Variants in AKR1A1 observed in about 807,000 individuals in gnomAD.
AKR1A1 encodes aldo-keto reductase family 1 member A1.
A neutral mutation model predicts 39.2 loss-of-function variants in AKR1A1; 26 were observed. The ratio of observed to expected loss-of-function variants is 0.66; its 90% CI spans 0.49 to 0.92. The LOEUF (loss-of-function observed/expected upper bound fraction) is 0.92, where lower values mean the gene tolerates loss of function less well. Among genes scored for constraint, AKR1A1 ranks in the 40% least tolerant of loss-of-function variants. The pLI is 0.00. For synonymous variants in AKR1A1, 141 were observed against 155.5 expected (o/e 0.91, Z 0.69); for missense variants, 378 against 406.5 (o/e 0.93, Z 0.60).
chr1:45,567,087 G>A, intron 4 of AKR1A1, 67 bp downstream of exon 4: 4 of 1,569,970 alleles, frequency 2.5e-6, no homozygotes, highest in Non-Finnish European at 3.5e-6. Context: ...GTAACTTATT[G>A]TAAGTCACAG....
At chr1:45,557,924 T>TTG (rs1644227240) in intron 1 of AKR1A1, among the ~76,000 whole-genome samples, 1 of 146,454 alleles carries the variant, frequency 6.8e-6, no homozygotes, top group Admixed American at 6.9e-5. Flanking sequence ...TTTTTTTTTT[T>TTG]TTTGAGATGG....
At chr1:45,564,057 A>G (rs894544544) in intron 2 of AKR1A1, among the ~76,000 whole-genome samples, 1 of 152,226 alleles carries the variant, frequency 6.6e-6, no homozygotes, top group African/African-American at 2.4e-5. Context: ...ATTAAGTTTC[A>G]GAGAAGCCCC....
rs1424130310 is a variant in AKR1A1 at position 45,552,117 on chromosome 1, A to T, written c.-7+962A>T. ...TGGGGGAAATTTATATATAAACAGA[A>T]AAATGTAGTGATGTGCACATGCTAT... On this transcript the variant is annotated intron_variant, in intron 1 of 8. Coordinates refer to ENST00000351829, the MANE Select transcript of AKR1A1 (RefSeq NM_153326.3). Among the ~76,000 whole-genome samples, 3 of 152,070 alleles carry T rather than the reference A, an allele frequency of 2.0e-5. No homozygotes were observed. In the East Asian group the frequency reaches 5.8e-4, roughly 29 times the overall value.
chr1:45,561,111 C>G (rs1644272133), intron 1 of AKR1A1, among the ~76,000 whole-genome samples: 1 of 152,196 alleles, frequency 6.6e-6, no homozygotes, highest in African/African-American at 2.4e-5. Context: ...TATTCAGTTA[C>G]CTGGTCTCTC....
intron 2 of AKR1A1, 107 bp from the exon 3 acceptor site, chr1:45,566,462 T>C: frequency 1.3e-6 from 2 of 1,505,892 alleles, no homozygotes; most frequent in Non-Finnish European, 1.8e-6. Flanking sequence ...TGCATAGATG[T>C]GCCTGTTATA....
At chr1:45,556,095 A>G (rs780443260) in intron 1 of AKR1A1, among the ~76,000 whole-genome samples, 1 of 152,180 alleles carries the variant, frequency 6.6e-6, no homozygotes, top group Non-Finnish European at 1.5e-5. Context: ...ACACTCATGT[A>G]GATATTGTTT....
At chr1:45,567,131 C>T in intron 4 of AKR1A1, 111 bp downstream of exon 4, 3 of 1,408,868 alleles carry the variant, frequency 2.1e-6, no homozygotes, top group Non-Finnish European at 2.9e-6. Flanking sequence ...CATTTGCATG[C>T]CAAGCTGAGG....
chr1:45,569,629 G>A (rs1644389417), intron 8 of AKR1A1, among the ~76,000 whole-genome samples: 1 of 152,176 alleles, frequency 6.6e-6, no homozygotes, highest in African/African-American at 2.4e-5. Flanking sequence ...TGTACTTAGG[G>A]AAATAAATGG....
At chr1:45,559,645 T>C (rs1309349874) in intron 1 of AKR1A1, among the ~76,000 whole-genome samples, 2 of 127,118 alleles carry the variant, frequency 1.6e-5, no homozygotes, top group Admixed American at 8.2e-5. Context: ...TTTTTTTTTT[T>C]TTTTTTTTTT....
intron 4 of AKR1A1, 22 bp from the exon 5 acceptor site, chr1:45,567,960 G>C: frequency 6.3e-7 from 1 of 1,593,888 alleles, no homozygotes; most frequent in Non-Finnish European, 8.6e-7. Context: ...GTCCACACTT[G>C]GTGGGGCTGT....
At chr1:45,559,634 CTTTTTTTTTTTTTTTTTTTTTT>C (rs71056306) in intron 1 of AKR1A1, among the ~76,000 whole-genome samples, 1 of 73,128 alleles carries the variant, frequency 1.4e-5, no homozygotes, top group South Asian at 6.4e-4. Flanking sequence ...CTTTTCTTTT[CTTTTTTTTTTTTTTTTTTTTTT>C]TTTTTGAGAC....
intron 1 of AKR1A1, among the ~76,000 whole-genome samples, chr1:45,554,003 A>G (rs560332698): frequency 1.3e-5 from 2 of 148,552 alleles, no homozygotes; most frequent in East Asian, 2.1e-4. Flanking sequence ...TCAAAAAAAA[A>G]AAGAAGTATA....
At position 45,550,974 on chromosome 1, in the gene AKR1A1, T is replaced by A. The variant is rs1644121932; in HGVS notation, c.-188T>A. The stretch of plus-strand genomic sequence containing the variant: ...TTTTCCATCCCCTTCAGGTCCTTCC[T>A]CGGGAGGCGGCGAAGGCGGTCCACC... On this transcript the variant is annotated 5_prime_UTR_variant, in exon 1 of 9. Coordinates refer to ENST00000351829, the MANE Select transcript of AKR1A1 (RefSeq NM_153326.3). 6.6e-6 allele frequency: 1 copy of A among 152,392 alleles called. No homozygotes were observed. The highest frequency in any genetic ancestry group is 2.1e-4 in the South Asian group (1 of 4,834). The allele number at this position is 152,392 out of a possible 1,614,324, so 9.4% of individuals were successfully genotyped here.
chr1:45,562,628 G>T (rs1557633460), intron 2 of AKR1A1, among the ~76,000 whole-genome samples: 1 of 151,928 alleles, frequency 6.6e-6, no homozygotes, highest in Non-Finnish European at 1.5e-5. Flanking sequence ...TCCTGCCTCA[G>T]CCTCCCGAGT....
At chr1:45,559,634 C>CTTTTTTTTTTTTTTTTTTT (rs71056306) in intron 1 of AKR1A1, among the ~76,000 whole-genome samples, 1 of 73,128 alleles carries the variant, frequency 1.4e-5, no homozygotes, top group Non-Finnish European at 2.4e-5. Context: ...CTTTTCTTTT[C>CTTTTTTTTTTTTTTTTTTT]TTTTTTTTTT....
At chr1:45,553,145 T>C (rs1644153738) in intron 1 of AKR1A1, among the ~76,000 whole-genome samples, 1 of 151,476 alleles carries the variant, frequency 6.6e-6, no homozygotes, top group African/African-American at 2.4e-5. Flanking sequence ...TTAAAAAGGC[T>C]GGGCACAGTG....
At chr1:45,569,103 C>T in intron 7 of AKR1A1, 40 bp from the exon 8 acceptor site, 1 of 1,601,688 alleles carries the variant, frequency 6.2e-7, no homozygotes, top group Non-Finnish European at 8.6e-7. Context: ...AGCTTCTGCT[C>T]ACAAAGCTGG....
intron 2 of AKR1A1, 117 bp downstream of exon 2, chr1:45,561,995 A>G: frequency 9.9e-7 from 1 of 1,014,806 alleles, no homozygotes; most frequent in Non-Finnish European, 1.5e-6. Context: ...AGATAAGAGA[A>G]GACACCAATT....
At chr1:45,561,484 A>G (rs1024417253) in intron 1 of AKR1A1, among the ~76,000 whole-genome samples, 3 of 151,800 alleles carry the variant, frequency 2.0e-5, no homozygotes, top group Non-Finnish European at 2.9e-5. Context: ...GCTAACTGCA[A>G]CCTCCACCTC....
Sources: allele counts gnomAD v4.1 joint callset (sites outside exome capture counted in the v4.1 genomes callset), GRCh38; gene constraint gnomAD v4.1.1; transcripts MANE v1.5; gene names NCBI Gene and HGNC (gene_info 2026-07-23, HGNC 2026-07-21).